Variants in RYR2 observed in about 807,000 individuals in gnomAD.
RYR2 encodes ryanodine receptor 2, also known as cardiac muscle ryanodine receptor-calcium release channel.
In RYR2, 227 loss-of-function variants were observed where a neutral mutation model predicts 601.1. That is an observed-to-expected ratio of 0.38 (90% confidence interval 0.34 to 0.42). RYR2 has a LOEUF of 0.42. Ranked by LOEUF, RYR2 falls within the 10% of genes least tolerant of loss-of-function variation. RYR2 has a pLI of 1.00. For synonymous variants in RYR2, 2,223 were observed against 2,175.1 expected (o/e 1.02, Z -0.61); for missense variants, 4,646 against 6,156.5 (o/e 0.75, Z 8.21).
chr1:237,536,808 C>T (rs796302031), intron 25 of RYR2, among the ~76,000 whole-genome samples: 29 of 144,170 alleles, frequency 2.0e-4, no homozygotes, highest in African/African-American at 7.1e-4. Context: ...ATGGCGTGAA[C>T]CCGGGAGGCG....
intron 29 of RYR2, among the ~76,000 whole-genome samples, chr1:237,570,654 T>C (rs1672590713): frequency 6.6e-6 from 1 of 152,132 alleles, no homozygotes; most frequent in African/African-American, 2.4e-5. Context: ...TTTAAAAAGT[T>C]AAGAATTGAG....
chr1:237,819,022 T>A lies in RYR2; in HGVS notation c.14434-14T>A, dbSNP rs1490862924. The A allele has an allele frequency of 3.1e-6, 5 of 1,601,284 alleles. No homozygotes were observed. The East Asian group carries it at 1.1e-4, about 36-fold the overall frequency. On this transcript the variant is annotated splice_polypyrimidine_tract_variant and intron_variant, in intron 100 of 104. Coordinates refer to ENST00000366574, the MANE Select transcript of RYR2 (RefSeq NM_001035.3). The surrounding 1 kb of genome is among the most constrained non-coding windows in gnomAD (Gnocchi z 4.0). ...AATGTCCCTCCAAGAAGTGATACCA[T>A]GTCTTTTTTCCAGTGCTATATGTTC...
intron 27 of RYR2, among the ~76,000 whole-genome samples, chr1:237,562,394 A>G (rs1306678123): frequency 6.6e-6 from 1 of 152,176 alleles, no homozygotes; most frequent in Admixed American, 6.5e-5. Context: ...ATTTTAATGT[A>G]TAGTTAGATC....
intron 42 of RYR2, 148 bp downstream of exon 42, chr1:237,631,689 ACGATCTCGGCTCACT>A: frequency 9.0e-6 from 4 of 442,282 alleles, no homozygotes; most frequent in South Asian, 3.3e-5. Flanking sequence ...AGTGCAGTGC[ACGATCTCGGCTCACT>A]GCAAGCTCCG....
chr1:237,082,385 T>A (rs956756028), intron 1 of RYR2, among the ~76,000 whole-genome samples: 3 of 151,810 alleles, frequency 2.0e-5, no homozygotes, highest in African/African-American at 7.3e-5. Flanking sequence ...TTTTTAATGG[T>A]CTGGAAATGA....
At chr1:237,638,333 C>T (rs1417313531) in intron 44 of RYR2, 24 bp from the exon 45 acceptor site, 2 of 1,613,448 alleles carry the variant, frequency 1.2e-6, no homozygotes, top group Admixed American at 1.7e-5. Context: ...AGGGATAACT[C>T]TTTGTTAATC....
At chr1:237,631,897 T>C (rs1485425260) in intron 42 of RYR2, among the ~76,000 whole-genome samples, 1 of 151,542 alleles carries the variant, frequency 6.6e-6, no homozygotes, top group East Asian at 2.0e-4. Context: ...CCTCCCGAAG[T>C]GCTGGGATTA....
intron 2 of RYR2, among the ~76,000 whole-genome samples, chr1:237,271,513 G>T (rs1689681485): frequency 6.6e-6 from 1 of 152,142 alleles, no homozygotes; most frequent in South Asian, 2.1e-4. Flanking sequence ...GAAATTAGAA[G>T]TTGAGGTTTT....
At chr1:237,735,327 T>C (rs1004132752) in intron 79 of RYR2, among the ~76,000 whole-genome samples, 3 of 152,158 alleles carry the variant, frequency 2.0e-5, no homozygotes, top group African/African-American at 7.2e-5. Context: ...CAGAAAGATA[T>C]AAGGTAACAA....
chr1:237,601,470 G>T (rs1414162596), intron 34 of RYR2, among the ~76,000 whole-genome samples: 1 of 152,074 alleles, frequency 6.6e-6, no homozygotes, highest in Non-Finnish European at 1.5e-5. Flanking sequence ...GATACCCAAT[G>T]GGTATAGAGT....
chr1:237,176,861 A>T (rs1678116063), intron 1 of RYR2, among the ~76,000 whole-genome samples: 2 of 152,210 alleles, frequency 1.3e-5, no homozygotes, highest in Non-Finnish European at 2.9e-5. Flanking sequence ...GTGAAAGTGT[A>T]GTAGAAGGTT....
chr1:237,364,924 T>A (rs1375189880), intron 5 of RYR2, among the ~76,000 whole-genome samples: 1 of 152,210 alleles, frequency 6.6e-6, no homozygotes, highest in African/African-American at 2.4e-5. Context: ...CAGCCCCTTA[T>A]TCATTTCTCA....
In RYR2 at chr1:237,639,290, T is replaced by G. The variant is rs1681205124; in HGVS notation, c.7115+89T>G. ...ATATTCTGCATCCTATGAATTGTAA[T>G]ATAACTTGTGGTACAGAAGATTTCT... On this transcript the variant is annotated intron_variant, in intron 46 of 104. Transcript: ENST00000366574. 2.4e-6 allele frequency: 3 copies of G among 1,235,742 alleles called. No homozygotes were observed. In the South Asian group the frequency reaches 5.4e-5, roughly 22 times the overall value. The allele number at this position is 1,235,742 out of a possible 1,614,324, so 76.5% of individuals were successfully genotyped here.
At chr1:237,667,771 A>G (rs1289762202) in intron 57 of RYR2, 112 bp from the exon 58 acceptor site, 4 of 718,396 alleles carry the variant, frequency 5.6e-6, no homozygotes, top group South Asian at 1.9e-5. Flanking sequence ...TAAATGTATC[A>G]TAGCACTAAT....
At chr1:237,736,765 T>G (rs925972774) in intron 79 of RYR2, among the ~76,000 whole-genome samples, 2 of 152,176 alleles carry the variant, frequency 1.3e-5, no homozygotes, top group African/African-American at 2.4e-5. Context: ...GAAGGAAGCC[T>G]GGTTTATTTT....
At chr1:237,213,927 T>TC (rs1210975902) in intron 1 of RYR2, among the ~76,000 whole-genome samples, 2 of 141,368 alleles carry the variant, frequency 1.4e-5, no homozygotes, top group Non-Finnish European at 3.1e-5. Flanking sequence ...TTTTTTTTTT[T>TC]TTTTTTTTTT....
In RYR2 at chr1:237,637,202, G is replaced by C. The variant is rs545028786; in HGVS notation, c.6793-1155G>C. 1.4e-4 allele frequency among the ~76,000 whole-genome samples: 22 copies of C among 152,232 alleles called. No homozygotes were observed. In the South Asian group the frequency reaches 4.4e-3, roughly 30 times the overall value. On this transcript the variant is annotated intron_variant, in intron 44 of 104. Transcript: ENST00000366574. ...TTGGTTCTCTTGCTTCACTATAGTT[G>C]ATATAAAACATTTTTAGCTATATTA...
chr1:237,423,367 C>A, intron 12 of RYR2, 119 bp downstream of exon 12: 2 of 1,210,718 alleles, frequency 1.7e-6, no homozygotes, highest in Non-Finnish European at 2.3e-6. Context: ...ATGTGTATTT[C>A]TAAATTCCCA....
Position 237,603,892 on chromosome 1 carries a change from C to G in RYR2, c.4683+1781C>G, listed in dbSNP as rs182033998. ...GCTAACTATCCTAAATATATATGCA[C>G]CCAATACAGGAGCACCCAGATTCAT... On this transcript the variant is annotated intron_variant, in intron 35 of 104. Transcript: ENST00000366574. Among the ~76,000 whole-genome samples, 6 of 152,268 alleles carry G rather than the reference C, an allele frequency of 3.9e-5. No homozygotes were observed. In the East Asian group the frequency reaches 1.2e-3, roughly 29 times the overall value.
Sources: gnomAD v4.1 joint callset for allele counts (sites outside exome capture counted in the v4.1 genomes callset) on GRCh38, gnomAD v4.1.1 for gene constraint, Gnocchi (gnomAD v3.1) non-coding constraint, MANE v1.5 for transcripts, NCBI Gene and HGNC (gene_info 2026-07-23, HGNC 2026-07-21) for gene names.